The following RPS6KA2 variants were observed in gnomAD, a reference collection of about 807,000 sequenced individuals.
RPS6KA2 encodes ribosomal protein S6 kinase A2.
In RPS6KA2, 42 loss-of-function variants were observed where a neutral mutation model predicts 91.8. The observed-to-expected ratio is 0.46, with a 90% CI of 0.36 to 0.59. The LOEUF (loss-of-function observed/expected upper bound fraction) is 0.59. RPS6KA2 is among the 20% of genes least tolerant of loss of function. The probability of loss-of-function intolerance (pLI) is 0.00; values close to 1 mark genes in which losing one functional copy is unlikely to be tolerated. For synonymous variants in RPS6KA2, 414 were observed against 393.6 expected (o/e 1.05, Z -0.61); for missense variants, 798 against 978.5 (o/e 0.82, Z 2.46).
intron 2 of RPS6KA2, among the ~76,000 whole-genome samples, chr6:166,756,797 G>A (rs960546341): frequency 6.6e-6 from 1 of 152,198 alleles, no homozygotes; most frequent in Non-Finnish European, 1.5e-5. Flanking sequence ...GGTGAGCCGA[G>A]ATGGCGCCAT....
intron 2 of RPS6KA2, among the ~76,000 whole-genome samples, chr6:166,835,034 T>A (rs1346395026): frequency 6.6e-6 from 1 of 152,208 alleles, no homozygotes; most frequent in Non-Finnish European, 1.5e-5. Context: ...TATAAATATC[T>A]ACTTGTTCAA....
intron 10 of RPS6KA2, among the ~76,000 whole-genome samples, chr6:166,474,623 A>T (rs879453051): frequency 6.9e-6 from 1 of 144,980 alleles, no homozygotes; most frequent in African/African-American, 2.7e-5. Context: ...CTGGGGGGGA[A>T]GTCGGGAGAT....
intron 2 of RPS6KA2, among the ~76,000 whole-genome samples, chr6:166,754,513 G>A (rs779527997): frequency 6.6e-6 from 1 of 152,144 alleles, no homozygotes; most frequent in East Asian, 1.9e-4. Flanking sequence ...GGTTGCCCTC[G>A]CTGGCTGGTA....
chr6:166,413,694 C>A lies in RPS6KA2; in HGVS notation c.2076+100G>T. ...AGTTTGGGGCTGCTATGGGCTCTTT[C>A]TCTGCACTCTGTGGTTTCTTCGGAG... On this transcript the variant is annotated intron_variant, in intron 20 of 20. Coordinates refer to ENST00000265678, the MANE Select transcript of RPS6KA2 (RefSeq NM_021135.6). 2.3e-6 allele frequency: 3 copies of A among 1,312,102 alleles called. No individual in the cohort carries two copies. In the South Asian group the frequency reaches 4.3e-5, roughly 19 times the overall value. 81.3% of individuals were successfully genotyped at this position (1,312,102 alleles called of 1,614,324 possible). A position where few individuals can be genotyped will look rare whatever the true frequency, so the allele number is the denominator to read the frequency against.
intron 2 of RPS6KA2, among the ~76,000 whole-genome samples, chr6:166,654,153 G>C (rs1243931081): frequency 6.6e-6 from 1 of 152,214 alleles, no homozygotes; most frequent in East Asian, 1.9e-4. Context: ...AAGATTCTCA[G>C]CATCCTCTAA....
chr6:166,736,361 G>A (rs58753235), intron 2 of RPS6KA2, among the ~76,000 whole-genome samples: 27,903 of 152,126 alleles, frequency 0.18, 2,729 homozygotes, highest in African/African-American at 0.25. Context: ...GGGGCACACC[G>A]TAACTGTGTG....
At chr6:166,548,182 G>A (rs894770973) in intron 1 of RPS6KA2, among the ~76,000 whole-genome samples, 3 of 152,104 alleles carry the variant, frequency 2.0e-5, no homozygotes, top group Non-Finnish European at 2.9e-5. Flanking sequence ...CAAAAATTAC[G>A]GAACATATTA....
chr6:166,566,581 C>A (rs765499050), intron 1 of RPS6KA2, among the ~76,000 whole-genome samples: 11 of 152,226 alleles, frequency 7.2e-5, no homozygotes, highest in Non-Finnish European at 1.3e-4. Context: ...CCATGCGATG[C>A]TATGGTCCCT....
intron 10 of RPS6KA2, among the ~76,000 whole-genome samples, 171 bp downstream of exon 10, chr6:166,488,662 T>G (rs1340934360): frequency 6.6e-6 from 1 of 152,238 alleles, no homozygotes; most frequent in Non-Finnish European, 1.5e-5. Flanking sequence ...GGGCCTTTTT[T>G]CCTGGAGCTC....
chr6:166,681,450 C>G (rs1788804520), intron 2 of RPS6KA2, among the ~76,000 whole-genome samples: 1 of 152,206 alleles, frequency 6.6e-6, no homozygotes, highest in Admixed American at 6.5e-5. Flanking sequence ...AGTTTCTTAT[C>G]TGCACCCTCC....
At chr6:166,502,603 G>A (rs1394436622) in intron 6 of RPS6KA2, among the ~76,000 whole-genome samples, 1 of 152,212 alleles carries the variant, frequency 6.6e-6, no homozygotes, top group Admixed American at 6.5e-5. Flanking sequence ...GAGTGGCAAC[G>A]TCCACACAGA....
In RPS6KA2 at chr6:166,459,348, A is replaced by G. The variant is rs1440465776; in HGVS notation, c.1075+101T>C. ...ACAGAATGGACAGTTATTTTCCATGAAAAGAATTCTGAGGCATGGGAATTT... is the reference window on the plus strand; with the variant it reads ...ACAGAATGGACAGTTATTTTCCATGGAAAGAATTCTGAGGCATGGGAATTT... On this transcript the variant is annotated intron_variant, in intron 12 of 20. Coordinates refer to ENST00000265678, the MANE Select transcript of RPS6KA2 (RefSeq NM_021135.6). The surrounding 1 kb of genome is among the most constrained non-coding windows in gnomAD (Gnocchi z 4.9). 2.8e-6 allele frequency: 2 copies of G among 713,316 alleles called. No individual in the cohort carries two copies. Among genetic ancestry groups the G allele is most frequent in the South Asian group, 1.8e-5 (1 of 56,280 alleles). The allele number at this position is 713,316 out of a possible 1,614,324, so 44.2% of individuals were successfully genotyped here. A position where few individuals can be genotyped will look rare whatever the true frequency, so the allele number is the denominator to read the frequency against.
rs916422908 is a variant in RPS6KA2 at position 166,648,229 on chromosome 6, C to A, written c.124-109445G>T. Among the ~76,000 whole-genome samples, 4 of 148,464 alleles carry A rather than the reference C, an allele frequency of 2.7e-5. No homozygotes were observed. Among genetic ancestry groups the A allele is most frequent in the Non-Finnish European group, 4.5e-5 (3 of 67,228 alleles). On this transcript the variant is annotated intron_variant, in intron 2 of 21. Coordinates refer to the RPS6KA2 transcript ENST00000503859. The surrounding 1 kb of genome is among the most constrained non-coding windows in gnomAD (Gnocchi z 4.8). Reference sequence around the variant, plus strand: ...ACTCATGCACACACACGCACATGCGCACACACACACATTCACACAGGCACA... The same window carrying A: ...ACTCATGCACACACACGCACATGCGAACACACACACATTCACACAGGCACA...
At chr6:166,701,006 T>C (rs966335967) in intron 2 of RPS6KA2, 2 of 1,041,582 alleles carry the variant, frequency 1.9e-6, no homozygotes, top group Non-Finnish European at 3.0e-6. Flanking sequence ...TGCATGTGAT[T>C]CTGGATAGGG....
intron 2 of RPS6KA2, among the ~76,000 whole-genome samples, chr6:166,845,675 G>C (rs1342994270): frequency 1.3e-5 from 2 of 152,096 alleles, no homozygotes; most frequent in African/African-American, 4.8e-5. Context: ...CAATAATAGT[G>C]ACACAACTTG....
chr6:166,823,240 T>C lies in RPS6KA2; in HGVS notation c.123+34960A>G, dbSNP rs555458693. On this transcript the variant is annotated intron_variant, in intron 2 of 21. Transcript: ENST00000503859. ...AGTTTCTTTAACAAGGCAAGAAATATGCAAGATGTAGAAGGAGACCACATA... is the reference window on the plus strand; with the variant it reads ...AGTTTCTTTAACAAGGCAAGAAATACGCAAGATGTAGAAGGAGACCACATA... Among the ~76,000 whole-genome samples the C allele has an allele frequency of 2.0e-4, 30 of 152,228 alleles. No homozygotes were observed. The South Asian group carries it at 5.2e-3, about 26-fold the overall frequency.
chr6:166,412,536 T>C lies in RPS6KA2; in HGVS notation c.*226A>G, dbSNP rs761451997. 29 of 414,344 alleles carry C rather than the reference T, an allele frequency of 7.0e-5. No homozygotes were observed. Among genetic ancestry groups the C allele is most frequent in the Non-Finnish European group, 1.2e-4 (28 of 234,604 alleles). The allele number at this position is 414,344 out of a possible 1,614,324, so 25.7% of individuals were successfully genotyped here. A position where few individuals can be genotyped will look rare whatever the true frequency, so the allele number is the denominator to read the frequency against. ...GGTGAAGGGGCGCATTTGGTTTCGC[T>C]TGGGAGAAAAGAGAGCGGGCGGGGA... On this transcript the variant is annotated 3_prime_UTR_variant, in exon 21 of 21. Transcript: ENST00000265678. This position sits in a 1 kb window ranked among gnomAD's most constrained non-coding sequence, Gnocchi z 4.3.
intron 2 of RPS6KA2, among the ~76,000 whole-genome samples, chr6:166,817,488 GC>G (rs1436825820): frequency 6.6e-6 from 1 of 152,070 alleles, no homozygotes; most frequent in Non-Finnish European, 1.5e-5. Flanking sequence ...AAACCTGTCT[GC>G]TAGATACTAT....
At chr6:166,426,057 G>A (rs1778905725) in intron 16 of RPS6KA2, among the ~76,000 whole-genome samples, 1 of 151,962 alleles carries the variant, frequency 6.6e-6, no homozygotes, top group South Asian at 2.1e-4. Context: ...TGGAAGTAAA[G>A]CTCTCCTCAG....
Sources: gnomAD v4.1 joint callset for allele counts (sites outside exome capture counted in the v4.1 genomes callset) on GRCh38, gnomAD v4.1.1 for gene constraint, Gnocchi (gnomAD v3.1) non-coding constraint, MANE v1.5 for transcripts, NCBI Gene and HGNC (gene_info 2026-07-23, HGNC 2026-07-21) for gene names.